HS3ST3A1: variants seen among roughly 807,000 people sequenced by gnomAD.
HS3ST3A1 encodes heparan sulfate-glucosamine 3-sulfotransferase 3A1.
Under a neutral mutation model 25.7 loss-of-function variants are expected in HS3ST3A1, and 19 were observed. The ratio of observed to expected loss-of-function variants is 0.74; its 90% confidence interval spans 0.52 to 1.08. The LOEUF (loss-of-function observed/expected upper bound fraction) is 1.08. Ranked by LOEUF, HS3ST3A1 falls within the 50% of genes least tolerant of loss-of-function variation. The pLI is 0.00. For synonymous variants in HS3ST3A1, 226 were observed against 278.6 expected (o/e 0.81, Z 1.88); for missense variants, 459 against 594.3 (o/e 0.77, Z 2.37).
intron 1 of HS3ST3A1, among the ~76,000 whole-genome samples, chr17:13,575,240 T>C (rs1404113209): frequency 2.0e-5 from 3 of 152,156 alleles, no homozygotes; most frequent in African/African-American, 4.8e-5. Context: ...CTCCATCAAA[T>C]TGCAAACTCC....
Position 13,573,722 on chromosome 17 carries a change from C to T in HS3ST3A1, c.599+26809G>A, listed in dbSNP as rs151313462. ...CACGGGCTGAATGTTTGTACCCCTC[C>T]CCCAAATTCATATGTTGAAACTGTA... On this transcript the variant is annotated intron_variant, in intron 1 of 1. Transcript: ENST00000284110. Among the ~76,000 whole-genome samples, 367 of 152,230 alleles carry T rather than the reference C, an allele frequency of 2.4e-3. 1 individual carries two copies. Among genetic ancestry groups the T allele is most frequent in the Admixed American group, 3.9e-3 (59 of 15,296 alleles).
At chr17:13,547,076 T>C (rs1407826636) in intron 1 of HS3ST3A1, among the ~76,000 whole-genome samples, 3 of 152,196 alleles carry the variant, frequency 2.0e-5, no homozygotes, top group African/African-American at 7.2e-5. Context: ...CTTTTGGCTA[T>C]TAAATTCTAT....
chr17:13,568,307 C>T (rs1907725380), intron 1 of HS3ST3A1, among the ~76,000 whole-genome samples: 1 of 152,194 alleles, frequency 6.6e-6, no homozygotes, highest in African/African-American at 2.4e-5. Context: ...CTTTTATACA[C>T]ACTGGGAAAT....
chr17:13,510,034 C>G (rs1281708515), intron 1 of HS3ST3A1, among the ~76,000 whole-genome samples: 2 of 152,148 alleles, frequency 1.3e-5, no homozygotes, highest in Non-Finnish European at 1.5e-5. Flanking sequence ...AATGTTGAGT[C>G]CTGATTAAAG....
intron 1 of HS3ST3A1, among the ~76,000 whole-genome samples, chr17:13,532,660 T>C (rs992184416): frequency 6.6e-6 from 1 of 152,008 alleles, no homozygotes; most frequent in Non-Finnish European, 1.5e-5. Context: ...TATCTGCTGA[T>C]GGAATACTGA....
chr17:13,495,443 G>T lies in HS3ST3A1; in HGVS notation c.*754C>A, dbSNP rs1905239862. Among the ~76,000 whole-genome samples, 1 of 151,888 alleles carries T rather than the reference G, an allele frequency of 6.6e-6. No individual in the cohort carries two copies. Among genetic ancestry groups the T allele is most frequent in the Admixed American group, 6.6e-5 (1 of 15,254 alleles). On this transcript the variant is annotated 3_prime_UTR_variant, in exon 2 of 2. Transcript: ENST00000284110. ...TAGCCTGGGAATTTAGAAAACAAGG[G>T]GCTCTCTTTCCCTTTTCATATCATC...
At chr17:13,548,642 C>T (rs756227980) in intron 1 of HS3ST3A1, among the ~76,000 whole-genome samples, 9 of 152,104 alleles carry the variant, frequency 5.9e-5, no homozygotes, top group Admixed American at 1.3e-4. Context: ...CTGGGTCGGG[C>T]GGGGACTTGG....
chr17:13,516,215 C>G (rs953606708), intron 1 of HS3ST3A1, among the ~76,000 whole-genome samples: 7 of 152,106 alleles, frequency 4.6e-5, no homozygotes, highest in Non-Finnish European at 7.4e-5. Context: ...AAGGCTGAGG[C>G]AGGAGAATCG....
intron 1 of HS3ST3A1, among the ~76,000 whole-genome samples, chr17:13,593,409 A>G (rs1598436069): frequency 1.3e-5 from 2 of 152,152 alleles, no homozygotes; most frequent in African/African-American, 4.8e-5. Context: ...TTTGCCTGCC[A>G]TAGAAGACAG....
chr17:13,502,498 A>T (rs1427827064), intron 1 of HS3ST3A1, among the ~76,000 whole-genome samples: 1 of 151,976 alleles, frequency 6.6e-6, no homozygotes, highest in African/African-American at 2.4e-5. Flanking sequence ...AATAAAAAGA[A>T]CTTCCCCCAT....
intron 1 of HS3ST3A1, among the ~76,000 whole-genome samples, chr17:13,548,264 T>G (rs1438647823): frequency 6.6e-6 from 1 of 152,164 alleles, no homozygotes; most frequent in Non-Finnish European, 1.5e-5. Context: ...GTGAGGGCTC[T>G]CTCCCTGCTT....
chr17:13,588,224 G>A (rs1313987469), intron 1 of HS3ST3A1, among the ~76,000 whole-genome samples: 1 of 151,644 alleles, frequency 6.6e-6, no homozygotes, highest in Non-Finnish European at 1.5e-5. Context: ...GATAAACACT[G>A]TACCACCCAC....
intron 1 of HS3ST3A1, among the ~76,000 whole-genome samples, chr17:13,563,835 C>G (rs1416736493): frequency 6.6e-6 from 1 of 152,122 alleles, no homozygotes; most frequent in East Asian, 1.9e-4. Flanking sequence ...CGTTTCTGTA[C>G]TTTTTAAATG....
intron 1 of HS3ST3A1, among the ~76,000 whole-genome samples, chr17:13,570,741 A>C (rs1304541970): frequency 6.6e-6 from 1 of 152,226 alleles, no homozygotes; most frequent in Non-Finnish European, 1.5e-5. Context: ...AAGTGCTGGG[A>C]TTACGGGGGT....
chr17:13,506,078 C>CTTT (rs577292327), intron 1 of HS3ST3A1, among the ~76,000 whole-genome samples: 1 of 119,104 alleles, frequency 8.4e-6, no homozygotes, highest in African/African-American at 3.1e-5. Context: ...GTTGGAGTTA[C>CTTT]TTTTTTTTTT....
intron 1 of HS3ST3A1, among the ~76,000 whole-genome samples, chr17:13,515,471 G>GT (rs33924561): frequency 0.29 from 31,571 of 107,672 alleles, 4,997 homozygotes; most frequent in East Asian, 0.49. Flanking sequence ...GTTTGTTTCA[G>GT]TTTTTTTTTT....
intron 1 of HS3ST3A1, among the ~76,000 whole-genome samples, chr17:13,500,606 A>G (rs191256506): frequency 4.6e-5 from 7 of 152,360 alleles, no homozygotes; most frequent in East Asian, 1.9e-4. Flanking sequence ...TTCCAAGCTA[A>G]GTAGTGTAGA....
chr17:13,532,141 C>G (rs1352112220), intron 1 of HS3ST3A1, among the ~76,000 whole-genome samples: 1 of 152,100 alleles, frequency 6.6e-6, no homozygotes, highest in Non-Finnish European at 1.5e-5. Flanking sequence ...AGGGGAGAAG[C>G]CACGGACTTA....
intron 1 of HS3ST3A1, among the ~76,000 whole-genome samples, chr17:13,507,165 G>A (rs1039886187): frequency 6.6e-6 from 1 of 151,940 alleles, no homozygotes; most frequent in Non-Finnish European, 1.5e-5. Context: ...ATCCAGGGCA[G>A]CCAGAAATTC....
Sources: allele counts gnomAD v4.1 joint callset (sites outside exome capture counted in the v4.1 genomes callset), GRCh38; gene constraint gnomAD v4.1.1; transcripts MANE v1.5; gene names NCBI Gene and HGNC (gene_info 2026-07-23, HGNC 2026-07-21).